The following LTBP2 variants were observed in gnomAD, a reference collection of about 807,000 sequenced individuals.
LTBP2 encodes the protein latent-transforming growth factor beta-binding protein 2.
Under a neutral mutation model 210.6 loss-of-function variants are expected in LTBP2, and 103 were observed. That is an observed-to-expected ratio of 0.49 (90% CI 0.42 to 0.58). The LOEUF is 0.58. Ranked by LOEUF, LTBP2 falls within the 20% of genes least tolerant of loss-of-function variation. LTBP2 has a pLI of 0.00. For missense variants in LTBP2, 2,313 were observed against 2,494.5 expected (o/e 0.93, Z 1.55); for synonymous variants, 1,007 against 1,015.0 (o/e 0.99, Z 0.15).
At chr14:74,558,129 G>A (rs1014136981) in intron 3 of LTBP2, among the ~76,000 whole-genome samples, 2 of 152,248 alleles carry the variant, frequency 1.3e-5, no homozygotes, top group African/African-American at 2.4e-5. Flanking sequence ...GCCTGGCACA[G>A]TTGTTCATGC....
chr14:74,507,331 TGA>T, intron 25 of LTBP2, 21 bp from the exon 26 acceptor site: 1 of 1,613,574 alleles, frequency 6.2e-7, no homozygotes, highest in Non-Finnish European at 8.5e-7. Flanking sequence ...AGCCATGCCA[TGA>T]GAGAGGACAG....
intron 3 of LTBP2, among the ~76,000 whole-genome samples, chr14:74,562,463 A>AC (rs1283572440): frequency 6.6e-6 from 1 of 152,118 alleles, no homozygotes; most frequent in African/African-American, 2.4e-5. Context: ...GGCCAAACCC[A>AC]CCTTAAAGTA....
chr14:74,597,529 G>A (rs2088383739), intron 2 of LTBP2, among the ~76,000 whole-genome samples: 1 of 152,182 alleles, frequency 6.6e-6, no homozygotes, highest in African/African-American at 2.4e-5. Context: ...ACACAGGTGT[G>A]GAGAGAGGGC....
rs2086893966 is a variant in LTBP2, at chr14:74,500,169, T to TCAA, written c.*712_*714dup. 1 of 234,922 alleles carries TCAA rather than the reference T, an allele frequency of 4.3e-6. No individual in the cohort carries two copies. Among genetic ancestry groups the TCAA allele is most frequent in the Non-Finnish European group, 8.4e-6 (1 of 119,258 alleles). The allele number at this position is 234,922 out of a possible 1,614,324, so 14.6% of individuals were successfully genotyped here. A position where few individuals can be genotyped will look rare whatever the true frequency, so the allele number is the denominator to read the frequency against. On this transcript the variant is annotated 3_prime_UTR_variant, in exon 36 of 36. Transcript: ENST00000261978. ...ATAAAGCCTTGGCTCCCCTTTCTCA[T>TCAA]CAACTCCACGTATTTTTCATCATGT...
chr14:74,525,989 G>A lies in LTBP2; in HGVS notation c.2428+86C>T, dbSNP rs549148334. 5.2e-5 allele frequency: 72 copies of A among 1,386,150 alleles called. No individual in the cohort carries two copies. The African/African-American group carries it at 7.5e-4, about 14-fold the overall frequency. The allele number at this position is 1,386,150 out of a possible 1,614,324, so 85.9% of individuals were successfully genotyped here. On this transcript the variant is annotated intron_variant, in intron 14 of 35. Transcript: ENST00000261978. Reference sequence around the variant, plus strand: ...CTGATGTGTGTGTGAGCGTGAACCAGCTCACACATAGTAACTCCACTCCTG... The same window carrying A: ...CTGATGTGTGTGTGAGCGTGAACCAACTCACACATAGTAACTCCACTCCTG...
At chr14:74,565,355 A>G (rs2087889141) in intron 3 of LTBP2, among the ~76,000 whole-genome samples, 1 of 152,146 alleles carries the variant, frequency 6.6e-6, no homozygotes, top group Non-Finnish European at 1.5e-5. Flanking sequence ...TTAAATGATG[A>G]TTATTGCAGT....
chr14:74,514,419 T>A (rs1041355037), intron 18 of LTBP2, among the ~76,000 whole-genome samples: 1 of 152,328 alleles, frequency 6.6e-6, no homozygotes, highest in East Asian at 1.9e-4. Flanking sequence ...AAAGGGCCCA[T>A]GGCAACAATC....
chr14:74,593,194 C>T (rs1040344935), intron 2 of LTBP2, among the ~76,000 whole-genome samples: 1 of 152,174 alleles, frequency 6.6e-6, no homozygotes. Flanking sequence ...CACACAAAAC[C>T]CCTACTTTTG....
rs2087415254 is a variant in LTBP2 at position 74,535,919 on chromosome 14, G to T, written c.1864+7C>A. On this transcript the variant is annotated splice_region_variant and intron_variant, in intron 9 of 35. Coordinates refer to ENST00000261978, the MANE Select transcript of LTBP2 (RefSeq NM_000428.3). ...CTTGAGCCCAGCCCTGGCCCTGGGG[G>T]TCCTACCTTGGCAGTGAGTGAGGTT... 6.2e-7 allele frequency: 1 copy of T among 1,613,820 alleles called. No individual in the cohort carries two copies. Among genetic ancestry groups the T allele is most frequent in the East Asian group, 2.2e-5 (1 of 44,882 alleles).
chr14:74,524,805 C>T (rs1462774635), intron 15 of LTBP2, among the ~76,000 whole-genome samples: 1 of 152,218 alleles, frequency 6.6e-6, no homozygotes, highest in African/African-American at 2.4e-5. Context: ...CCTCACTCCC[C>T]ATGCTCCCCT....
At chr14:74,505,218 A>G (rs1164539471) in intron 28 of LTBP2, 44 bp from the exon 29 acceptor site, 3 of 1,581,478 alleles carry the variant, frequency 1.9e-6, no homozygotes, top group Admixed American at 3.3e-5. Flanking sequence ...ATGACCCTCT[A>G]AGGGGGGTCA....
chr14:74,515,533 A>C (rs1339755736), intron 18 of LTBP2, among the ~76,000 whole-genome samples: 1 of 152,206 alleles, frequency 6.6e-6, no homozygotes, highest in African/African-American at 2.4e-5. Flanking sequence ...CTGGGATTAC[A>C]GATGTGAGCC....
chr14:74,540,871 A>ATATATTATATATATATTATATATATT lies in LTBP2; in HGVS notation c.1790-4872_1790-4871insAATATATATAATATATATATAATATA, dbSNP rs1422136985. The stretch of plus-strand genomic sequence containing the variant: ...TATTATATATATTATATATATTTAT[A>ATATATTATATATATATTATATATATT]TATATAATATATATATTATATATTA... On this transcript the variant is annotated intron_variant, in intron 8 of 35. Coordinates refer to ENST00000261978, the MANE Select transcript of LTBP2 (RefSeq NM_000428.3). Among the ~76,000 whole-genome samples, 305 of 101,602 alleles carry ATATATTATATATATATTATATATATT rather than the reference A, an allele frequency of 3.0e-3. 21 individuals are homozygous for ATATATTATATATATATTATATATATT. The highest frequency in any genetic ancestry group is 0.021 in the South Asian group (77 of 3,732). The allele number at this position is 101,602 out of a possible 152,430, so 66.7% of individuals were successfully genotyped here. A position where few individuals can be genotyped will look rare whatever the true frequency, so the allele number is the denominator to read the frequency against.
intron 26 of LTBP2, 54 bp from the exon 27 acceptor site, chr14:74,506,877 G>GCA (rs2086996592): frequency 6.4e-6 from 6 of 933,992 alleles, no homozygotes; most frequent in Middle Eastern, 2.5e-4. Flanking sequence ...GTGTGTGTGT[G>GCA]TGCGCGCGCG....
chr14:74,521,142 C>T (rs1043232829), intron 17 of LTBP2, among the ~76,000 whole-genome samples: 15 of 152,132 alleles, frequency 9.9e-5, no homozygotes, highest in African/African-American at 2.9e-4. Context: ...GATTGGAACC[C>T]GAGGGGATCC....
chr14:74,502,336 G>A, intron 34 of LTBP2, among the ~76,000 whole-genome samples: 1 of 152,182 alleles, frequency 6.6e-6, no homozygotes, highest in East Asian at 1.9e-4. Context: ...CAGCCTGTAG[G>A]TGGCGTGGAG....
chr14:74,575,968 T>C (rs1293942490), intron 3 of LTBP2, among the ~76,000 whole-genome samples: 3 of 152,166 alleles, frequency 2.0e-5, no homozygotes, highest in Non-Finnish European at 4.4e-5. Context: ...TGGGGGCTCT[T>C]CTAAGGCCCA....
chr14:74,603,810 A>T, intron 1 of LTBP2, 105 bp from the exon 2 acceptor site: 1 of 931,050 alleles, frequency 1.1e-6, no homozygotes, highest in Non-Finnish European at 1.8e-6. Context: ...CTGGAGGAAC[A>T]TGGAGAGGCT....
intron 17 of LTBP2, 103 bp from the exon 18 acceptor site, chr14:74,517,044 C>A: frequency 6.9e-7 from 1 of 1,439,046 alleles, no homozygotes; most frequent in Non-Finnish European, 9.5e-7. Context: ...ACAAAGGATG[C>A]CATGCTGAGG....
Sources: allele counts gnomAD v4.1 joint callset (sites outside exome capture counted in the v4.1 genomes callset), GRCh38; gene constraint gnomAD v4.1.1; transcripts MANE v1.5; gene names NCBI Gene and HGNC (gene_info 2026-07-23, HGNC 2026-07-21).